EBF1: variants seen among roughly 807,000 people sequenced by gnomAD.
The protein encoded by EBF1 is EBF transcription factor 1, also known as transcription factor COE1.
In EBF1, 10 loss-of-function variants were observed where a neutral mutation model predicts 68.4. That is an observed-to-expected ratio of 0.15 (90% CI 0.09 to 0.25). EBF1 has a LOEUF of 0.25. EBF1 is among the 10% of genes least tolerant of loss of function. EBF1 has a pLI of 1.00. For missense variants in EBF1, 509 were observed against 794.4 expected, an observed-to-expected ratio of 0.64 and a Z score of 4.32; for synonymous variants, 298 against 299.8, an observed-to-expected ratio of 0.99 and a Z score of 0.06.
intron 8 of EBF1, among the ~76,000 whole-genome samples, chr5:158,811,052 T>A (rs1782554706): frequency 6.6e-6 from 1 of 152,164 alleles, no homozygotes; most frequent in Admixed American, 6.6e-5. Context: ...GCTGATGGCA[T>A]CATATTCATC....
chr5:158,777,439 C>G lies in EBF1; in HGVS notation c.1010G>C (p.Gly337Ala). The change falls in exon 10 of 16, where the codon GGA becomes GCA. Residue 337 changes from glycine to alanine, a missense_variant. Around this residue, in one of 3 missense-constraint regions of EBF1, gnomAD observed 230 missense variants for 467.7 expected, o/e 0.49. Transcript: ENST00000313708. ...LSYKSKQFCK[G>A]TPGRFIYTAL... ...TGTATAAATGAATCTGCCTGGTGTT[C>G]CTTTGCAGAACTGCTTAGATTTGTA... The G allele has an allele frequency of 6.2e-7, 1 of 1,611,832 alleles. No homozygotes were observed. The highest frequency in any genetic ancestry group is 1.1e-5 in the South Asian group (1 of 90,694).
chr5:158,802,510 C>T (rs181234673), intron 8 of EBF1, among the ~76,000 whole-genome samples: 2 of 152,250 alleles, frequency 1.3e-5, no homozygotes, highest in African/African-American at 4.8e-5. Context: ...CCAGAACTCT[C>T]TATTAGTGAG....
intron 6 of EBF1, among the ~76,000 whole-genome samples, chr5:158,966,684 G>T (rs909815030): frequency 6.6e-6 from 1 of 152,162 alleles, no homozygotes; most frequent in Non-Finnish European, 1.5e-5. Flanking sequence ...CTGAAAGCAA[G>T]TTCCTTTTTG....
At chr5:159,096,445 G>A in intron 2 of EBF1, 39 bp from the exon 3 acceptor site, 1 of 1,606,020 alleles carries the variant, frequency 6.2e-7, no homozygotes, top group Non-Finnish European at 8.5e-7. Context: ...AGAGATGCAG[G>A]AGAGAGGTCT....
At chr5:159,020,511 C>T (rs1384665603) in intron 6 of EBF1, among the ~76,000 whole-genome samples, 1 of 152,208 alleles carries the variant, frequency 6.6e-6, no homozygotes, top group East Asian at 1.9e-4. Flanking sequence ...CCTCTGCTCT[C>T]TTTACCACCT....
At chr5:158,845,705 G>GAAA (rs374702772) in intron 6 of EBF1, among the ~76,000 whole-genome samples, 19 of 138,280 alleles carry the variant, frequency 1.4e-4, no homozygotes, top group Middle Eastern at 3.7e-3. Flanking sequence ...CCTACAAAAA[G>GAAA]AAAAAAAAAA....
intron 8 of EBF1, among the ~76,000 whole-genome samples, chr5:158,796,896 A>G (rs949144766): frequency 6.6e-6 from 1 of 152,190 alleles, no homozygotes; most frequent in African/African-American, 2.4e-5. Context: ...AAACATTACC[A>G]TCCAATAGGA....
chr5:158,883,350 A>ATATATATACACATACATACATG (rs1562210515), intron 6 of EBF1, among the ~76,000 whole-genome samples: 16 of 25,860 alleles, frequency 6.2e-4, no homozygotes, highest in African/African-American at 3.1e-3. Context: ...ACATGCATGT[A>ATATATATACACATACATACATG]TATATATATA....
rs758428545 is a variant in EBF1, at chr5:158,714,124, T to C, written c.1184A>G (p.Asn395Ser). The change falls in exon 12 of 16, where the codon AAC becomes AGC. Residue 395 changes from asparagine (N) to serine (S), a missense_variant. Transcript: ENST00000313708. ...GACACCCACAGCGCTCACCTGGTTGTTGTGTGGCATCCCATACAGTGCTTC... is the reference window on the plus strand; with the variant it reads ...GACACCCACAGCGCTCACCTGGTTGCTGTGTGGCATCCCATACAGTGCTTC... Reference protein sequence around the residue: ...LVEALYGMPHNNQEIILKRAA... With the variant: ...LVEALYGMPHSNQEIILKRAA... The C allele has an allele frequency of 2.5e-6, 4 of 1,614,096 alleles. No individual in the cohort carries two copies. The highest frequency in any genetic ancestry group is 2.7e-5 in the African/African-American group (2 of 74,936).
In EBF1 at chr5:158,731,053, A is replaced by G. The variant is rs1763990067; in HGVS notation, c.1125+16T>C. The G allele has an allele frequency of 6.2e-7, 1 of 1,607,176 alleles. No homozygotes were observed. The highest frequency in any genetic ancestry group is 1.3e-5 in the African/African-American group (1 of 74,798). ...AGTCCAAATTTTCAGGAATTACAAAAAGGCAGTATCCTCACCTTTGGCAAA... is the reference window on the plus strand; with the variant it reads ...AGTCCAAATTTTCAGGAATTACAAAGAGGCAGTATCCTCACCTTTGGCAAA... On this transcript the variant is annotated intron_variant, in intron 11 of 15. Coordinates refer to ENST00000313708, the MANE Select transcript of EBF1 (RefSeq NM_024007.5).
intron 6 of EBF1, among the ~76,000 whole-genome samples, chr5:158,921,479 G>A (rs1808425564): frequency 6.6e-6 from 1 of 152,188 alleles, no homozygotes; most frequent in South Asian, 2.1e-4. Flanking sequence ...GGCATTTGGA[G>A]ACAATGGCAA....
At chr5:159,061,529 GA>G (rs144281793) in intron 6 of EBF1, among the ~76,000 whole-genome samples, 1 of 152,242 alleles carries the variant, frequency 6.6e-6, no homozygotes, top group African/African-American at 2.4e-5. Flanking sequence ...GAGTGGAGAA[GA>G]GGGAGGAGGA....
intron 10 of EBF1, among the ~76,000 whole-genome samples, chr5:158,733,873 T>C (rs1469134965): frequency 1.3e-5 from 2 of 152,186 alleles, no homozygotes; most frequent in African/African-American, 2.4e-5. Flanking sequence ...ATTTATCTGA[T>C]TGCATTGACT....
intron 6 of EBF1, among the ~76,000 whole-genome samples, chr5:159,052,846 G>A (rs1027337412): frequency 1.3e-5 from 2 of 152,188 alleles, no homozygotes; most frequent in Non-Finnish European, 2.9e-5. Flanking sequence ...TTGTGTCAAT[G>A]AAGCCTGGCA....
intron 9 of EBF1, among the ~76,000 whole-genome samples, chr5:158,795,674 G>A (rs1216928102): frequency 6.6e-6 from 1 of 152,182 alleles, no homozygotes; most frequent in Non-Finnish European, 1.5e-5. Flanking sequence ...TTGTAATCTT[G>A]AGCTGATGCT....
In EBF1 at chr5:158,737,306, C is replaced by T. The variant is rs186731729; in HGVS notation, c.1037-6149G>A. 4.3e-3 allele frequency among the ~76,000 whole-genome samples: 336 copies of T among 78,702 alleles called. 1 individual carries two copies. The highest frequency in any genetic ancestry group is 0.016 in the African/African-American group (319 of 20,026). The allele number at this position is 78,702 out of a possible 152,430, so 51.6% of individuals were successfully genotyped here. A position where few individuals can be genotyped will look rare whatever the true frequency, so the allele number is the denominator to read the frequency against. On this transcript the variant is annotated intron_variant, in intron 10 of 15. Coordinates refer to ENST00000313708, the MANE Select transcript of EBF1 (RefSeq NM_024007.5). ...TTTTTTTTTTTTTTTTTTTTTGAGACGGAGTCTCGCTCCGTCGCCCAGGGT... is the reference window on the plus strand; with the variant it reads ...TTTTTTTTTTTTTTTTTTTTTGAGATGGAGTCTCGCTCCGTCGCCCAGGGT...
intron 8 of EBF1, among the ~76,000 whole-genome samples, chr5:158,797,153 T>A (rs953296052): frequency 6.6e-6 from 1 of 152,204 alleles, no homozygotes; most frequent in African/African-American, 2.4e-5. Flanking sequence ...TTCCCAGGCA[T>A]AAAACCCTAG....
intron 10 of EBF1, among the ~76,000 whole-genome samples, chr5:158,759,874 T>C (rs1179951425): frequency 6.6e-6 from 1 of 152,122 alleles, no homozygotes; most frequent in Admixed American, 6.6e-5. Flanking sequence ...ATAATAGCTA[T>C]TCAAAATGTT....
intron 6 of EBF1, among the ~76,000 whole-genome samples, chr5:158,909,600 G>T: frequency 6.6e-6 from 1 of 152,038 alleles, no homozygotes; most frequent in South Asian, 2.1e-4. Flanking sequence ...TCCAAGACAG[G>T]GGCACTGGCC....
Sources: allele counts gnomAD v4.1 joint callset (sites outside exome capture counted in the v4.1 genomes callset), GRCh38; gene constraint gnomAD v4.1.1; regional missense constraint gnomAD v4.1.1; transcripts MANE v1.5; gene names NCBI Gene and HGNC (gene_info 2026-07-23, HGNC 2026-07-21).